The following PARP16 variants were observed in gnomAD, a reference collection of about 807,000 sequenced individuals.
The protein encoded by PARP16 is protein mono-ADP-ribosyltransferase PARP16.
PARP16 carries 31 observed loss-of-function variants against 35.0 expected under a neutral mutation model. That is an observed-to-expected ratio of 0.88 (90% CI 0.66 to 1.19). The LOEUF is 1.19. Among genes scored for constraint, PARP16 ranks in the 50% most tolerant of loss-of-function variants. PARP16 has a pLI of 0.00. For missense variants in PARP16, 424 were observed against 411.2 expected (o/e 1.03, Z -0.27); for synonymous variants, 162 against 169.5 (o/e 0.96, Z 0.34).
chr15:65,241,700 T>C (rs1159976595), intron 3 of PARP16, among the ~76,000 whole-genome samples: 2 of 152,204 alleles, frequency 1.3e-5, no homozygotes, highest in Non-Finnish European at 1.5e-5. Context: ...TAGTTTTTTA[T>C]ATTGAGTGTA....
intron 3 of PARP16, among the ~76,000 whole-genome samples, chr15:65,239,424 T>TAAAAAAAAAAAAAAAAAAAAAAAAAAA (rs758350761): frequency 1.4e-4 from 1 of 6,960 alleles, no homozygotes; most frequent in African/African-American, 6.2e-4. Context: ...AGACTTTGCC[T>TAAAAAAAAAAAAAAAAAAAAAAAAAAA]AAAAAAAAAA....
intron 1 of PARP16, among the ~76,000 whole-genome samples, chr15:65,274,770 T>C (rs1025052046): frequency 4.6e-5 from 7 of 152,026 alleles, no homozygotes; most frequent in African/African-American, 1.7e-4. Context: ...AGATTTAAAA[T>C]GGGCCCCTTA....
intron 1 of PARP16, among the ~76,000 whole-genome samples, chr15:65,273,876 C>CAAAAAAAAAA (rs5813343): frequency 7.3e-6 from 1 of 137,286 alleles, no homozygotes; most frequent in Non-Finnish European, 1.6e-5. Context: ...AACTCTGTTT[C>CAAAAAAAAAA]AAAAAAAAAA....
In PARP16 at chr15:65,259,314, G is replaced by T; in HGVS notation, c.*93C>A. On this transcript the variant is annotated 3_prime_UTR_variant, in exon 6 of 6. Coordinates refer to ENST00000649807, the MANE Select transcript of PARP16 (RefSeq NM_001316943.2). Reference sequence around the variant, plus strand: ...CTGTGGTCCCCCAACTGGCCCCTAGGCTCAACCTGGCTGGACATGAGGCAT... The same window carrying T: ...CTGTGGTCCCCCAACTGGCCCCTAGTCTCAACCTGGCTGGACATGAGGCAT... 1.5e-6 allele frequency: 2 copies of T among 1,335,444 alleles called. No individual in the cohort carries two copies. The highest frequency in any genetic ancestry group is 2.1e-6 in the Non-Finnish European group (2 of 943,682). 82.7% of individuals were successfully genotyped at this position (1,335,444 alleles called of 1,614,324 possible).
intron 1 of PARP16, 111 bp from the exon 2 acceptor site, chr15:65,271,183 T>C: frequency 4.1e-6 from 4 of 970,828 alleles, no homozygotes; most frequent in Non-Finnish European, 4.8e-6. Flanking sequence ...TCAAGGGATC[T>C]CCTGAGAGGA....
At chr15:65,286,112 A>G in intron 1 of PARP16, 141 bp downstream of exon 1, 1 of 657,498 alleles carries the variant, frequency 1.5e-6, no homozygotes, top group South Asian at 2.5e-5. Flanking sequence ...ACCTTCCCCA[A>G]GGCAAGGCAA....
intron 1 of PARP16, among the ~76,000 whole-genome samples, chr15:65,279,318 G>C (rs1473374972): frequency 6.6e-6 from 1 of 152,188 alleles, no homozygotes. Flanking sequence ...ACAGGTGTTG[G>C]TTGCTATATT....
At chr15:65,276,956 T>C (rs984395574) in intron 1 of PARP16, among the ~76,000 whole-genome samples, 6 of 150,920 alleles carry the variant, frequency 4.0e-5, no homozygotes, top group African/African-American at 1.5e-4. Context: ...CACTCCAACC[T>C]GGGCAACAAG....
intron 3 of PARP16, among the ~76,000 whole-genome samples, chr15:65,238,252 C>G (rs1387589071): frequency 6.6e-6 from 1 of 152,120 alleles, no homozygotes; most frequent in Non-Finnish European, 1.5e-5. Flanking sequence ...CCACTGCGCT[C>G]TAGCCTGGGC....
intron 4 of PARP16, 47 bp from the exon 5 acceptor site, chr15:65,261,073 A>G: frequency 6.4e-7 from 1 of 1,571,438 alleles, no homozygotes. Context: ...AAACAGAACT[A>G]AGGAAGCACA....
chr15:65,246,761 T>C (rs745552958), intron 3 of PARP16, among the ~76,000 whole-genome samples: 30 of 152,132 alleles, frequency 2.0e-4, no homozygotes, highest in African/African-American at 1.7e-4. Flanking sequence ...CAGATCTCAG[T>C]TGGCAACTTC....
chr15:65,273,706 A>G (rs2090160862), intron 1 of PARP16, among the ~76,000 whole-genome samples: 8 of 151,924 alleles, frequency 5.3e-5, no homozygotes, highest in Admixed American at 5.2e-4. Context: ...GAGAAACCCC[A>G]TCTCTACTAA....
chr15:65,266,762 T>C lies in PARP16; in HGVS notation c.319A>G (p.Lys107Glu). 2 of 1,612,946 alleles carry C rather than the reference T, an allele frequency of 1.2e-6. No homozygotes were observed. The highest frequency in any genetic ancestry group is 1.7e-6 in the Non-Finnish European group (2 of 1,179,156). ...IHSAGKAEFE[K>E]IQKLTGAPHT... ...GGAGCCCCAGTCAGCTTTTGGATCT[T>C]TTCAAACTTGAAAACATGAAGAGCA... The change falls in exon 3 of 6, where the codon AAG (lysine) becomes GAG (glutamate). Residue 107 changes from lysine to glutamate, a missense_variant. Lys to Glu is a moderately conservative substitution (Grantham distance 56). Coordinates refer to ENST00000649807, the MANE Select transcript of PARP16 (RefSeq NM_001316943.2).
chr15:65,286,218 A>G, intron 1 of PARP16, 35 bp downstream of exon 1: 1 of 1,505,918 alleles, frequency 6.6e-7, no homozygotes, highest in Non-Finnish European at 8.9e-7. Flanking sequence ...TTGGTCCAGG[A>G]CGCAGTGGGC....
At chr15:65,271,948 G>T (rs1250862280) in intron 1 of PARP16, among the ~76,000 whole-genome samples, 2 of 152,324 alleles carry the variant, frequency 1.3e-5, no homozygotes, top group East Asian at 3.9e-4. Context: ...TGTAAATGGG[G>T]AATGCATAAC....
At chr15:65,270,400 T>G (rs1296198227) in intron 2 of PARP16, among the ~76,000 whole-genome samples, 1 of 152,192 alleles carries the variant, frequency 6.6e-6, no homozygotes, top group Non-Finnish European at 1.5e-5. Flanking sequence ...AGAAATGGGA[T>G]TTGAACCCAG....
At chr15:65,267,678 C>CTTTTTTTTTTTTTTTTTTT (rs556058787) in intron 2 of PARP16, among the ~76,000 whole-genome samples, 1 of 53,034 alleles carries the variant, frequency 1.9e-5, no homozygotes, top group African/African-American at 7.3e-5. Context: ...ATTTTCCTAA[C>CTTTTTTTTTTTTTTTTTTT]TTTTTTTTTT....
chr15:65,253,827 T>G (rs2089426668), downstream of PARP16, among the ~76,000 whole-genome samples: 1 of 151,790 alleles, frequency 6.6e-6, no homozygotes, highest in African/African-American at 2.4e-5. Context: ...AAACCAGATT[T>G]GTTTTTTTTG....
intron 2 of PARP16, 61 bp from the exon 3 acceptor site, chr15:65,266,829 T>C (rs2089908395): frequency 8.1e-7 from 1 of 1,228,848 alleles, no homozygotes. Context: ...GCTGCAAAAA[T>C]AGCCCCCTAA....
Sources: allele counts gnomAD v4.1 joint callset (sites outside exome capture counted in the v4.1 genomes callset), GRCh38; gene constraint gnomAD v4.1.1; transcripts MANE v1.5; gene names NCBI Gene and HGNC (gene_info 2026-07-23, HGNC 2026-07-21).